Variants in CHSY1 observed in about 807,000 individuals in gnomAD.
CHSY1 encodes the protein N-acetylgalactosaminyl-proteoglycan 3-beta-glucuronosyltransferase 1.
Under a neutral mutation model 59.8 loss-of-function variants are expected in CHSY1, and 13 were observed. The ratio of observed to expected loss-of-function variants is 0.22; its 90% CI spans 0.14 to 0.35. CHSY1 has a LOEUF of 0.35. CHSY1 is among the 10% of genes least tolerant of loss of function. The pLI, the probability that CHSY1 is intolerant of heterozygous loss-of-function variation, is 1.00. For missense variants in CHSY1, 947 were observed against 1,030.6 expected (o/e 0.92, Z 1.11); for synonymous variants, 459 against 401.2 (o/e 1.14, Z -1.72).
chr15:101,241,338 C>A (rs1458228069), intron 1 of CHSY1, among the ~76,000 whole-genome samples: 2 of 152,244 alleles, frequency 1.3e-5, no homozygotes, highest in African/African-American at 4.8e-5. Flanking sequence ...ATCCGCCCAC[C>A]TCGGCCTCCC....
At chr15:101,216,577 G>A (rs2038735480) in intron 2 of CHSY1, among the ~76,000 whole-genome samples, 1 of 152,200 alleles carries the variant, frequency 6.6e-6, no homozygotes, top group Non-Finnish European at 1.5e-5. Flanking sequence ...CCACACAGAG[G>A]CATGGATGAA....
chr15:101,228,347 G>A (rs1048692739), intron 2 of CHSY1, among the ~76,000 whole-genome samples: 2 of 152,038 alleles, frequency 1.3e-5, no homozygotes, highest in African/African-American at 4.8e-5. Context: ...CTCCAAATTT[G>A]ATGAAAAACA....
rs564960351 is a variant in CHSY1 at position 101,223,085 on chromosome 15, C to A, written c.816+11997G>T. Reference sequence around the variant, plus strand: ...CTGGGCTCACTTCAACCTCTGCCCCCCAGGTTCAAGTGATTTTCCTGCCTC... The same window carrying A: ...CTGGGCTCACTTCAACCTCTGCCCCACAGGTTCAAGTGATTTTCCTGCCTC... On this transcript the variant is annotated intron_variant, in intron 2 of 2. Transcript: ENST00000254190. 9.2e-5 allele frequency among the ~76,000 whole-genome samples: 14 copies of A among 152,314 alleles called. No homozygotes were observed. The South Asian group carries it at 2.9e-3, about 32-fold the overall frequency.
intron 2 of CHSY1, among the ~76,000 whole-genome samples, chr15:101,218,155 C>G (rs565067347): frequency 6.6e-6 from 1 of 152,288 alleles, no homozygotes; most frequent in African/African-American, 2.4e-5. Context: ...CCGTCAAGAT[C>G]ATCAAAAACA....
intron 1 of CHSY1, among the ~76,000 whole-genome samples, chr15:101,237,179 G>A (rs866284132): frequency 2.2e-5 from 3 of 135,632 alleles, no homozygotes; most frequent in Non-Finnish European, 3.0e-5. Context: ...AGCCGAGATC[G>A]CACCACTGCA....
chr15:101,248,815 C>T (rs567445559), intron 1 of CHSY1, among the ~76,000 whole-genome samples: 2 of 152,274 alleles, frequency 1.3e-5, no homozygotes, highest in Admixed American at 6.5e-5. Flanking sequence ...GAGACGGAGT[C>T]TTGCTCTGCC....
chr15:101,229,691 G>A (rs1044026777), intron 2 of CHSY1, among the ~76,000 whole-genome samples: 6 of 152,126 alleles, frequency 3.9e-5, no homozygotes, highest in African/African-American at 1.4e-4. Context: ...CAGATCACTT[G>A]AGGCCAGGAG....
rs117481189 is a variant in CHSY1, at chr15:101,229,176, A to G, written c.816+5906T>C. ...TAACAGAAAAACAAAGATATGACAT[A>G]CAGAAAACAGCAAAATGGCAGAGAT... On this transcript the variant is annotated intron_variant, in intron 2 of 2. Transcript: ENST00000254190. Among the ~76,000 whole-genome samples the G allele has an allele frequency of 3.0e-3, 456 of 152,362 alleles. 3 individuals carry two copies. In the Middle Eastern group the frequency reaches 0.034, roughly 11 times the overall value.
At position 101,234,938 on chromosome 15, in the gene CHSY1, T is replaced by C. The variant is rs35408330; in HGVS notation, c.816+144A>G. 6,185 of 1,081,168 alleles carry C rather than the reference T, an allele frequency of 5.7e-3. 42 individuals carry two copies. The highest frequency in any genetic ancestry group is 7.3e-3 in the Non-Finnish European group (5,515 of 751,148). 67.0% of individuals were successfully genotyped at this position (1,081,168 alleles called of 1,614,324 possible). ...TAATAAAGGGGAACTGAATTTTTTT[T>C]TTAATCTAAGGCTAAAAATGTAGAA... On this transcript the variant is annotated intron_variant, in intron 2 of 2. Coordinates refer to ENST00000254190, the MANE Select transcript of CHSY1 (RefSeq NM_014918.5).
intron 2 of CHSY1, among the ~76,000 whole-genome samples, chr15:101,193,770 GAGGA>G (rs926553350): frequency 3.3e-5 from 5 of 152,198 alleles, no homozygotes; most frequent in African/African-American, 1.2e-4. Context: ...TCCTGGCACC[GAGGA>G]AGACACGCTG....
intron 2 of CHSY1, among the ~76,000 whole-genome samples, chr15:101,233,502 TG>T (rs984105938): frequency 1.3e-5 from 2 of 152,138 alleles, no homozygotes; most frequent in African/African-American, 4.8e-5. Flanking sequence ...TTTCTTAGGA[TG>T]GGGAAAAATG....
intron 2 of CHSY1, among the ~76,000 whole-genome samples, chr15:101,208,418 A>G (rs976773464): frequency 6.6e-6 from 1 of 152,192 alleles, no homozygotes; most frequent in Non-Finnish European, 1.5e-5. Context: ...GGGCATATCA[A>G]AAAGATACAG....
rs555116495 is a variant in CHSY1 at position 101,206,507 on chromosome 15, G to T, written c.817-27527C>A. On this transcript the variant is annotated intron_variant, in intron 2 of 2. Coordinates refer to ENST00000254190, the MANE Select transcript of CHSY1 (RefSeq NM_014918.5). Reference sequence around the variant, plus strand: ...GTGCTAAGTGACAGATCACCACCAAGATCCGTTTCCCATGAAAACACTTTG... The same window carrying T: ...GTGCTAAGTGACAGATCACCACCAATATCCGTTTCCCATGAAAACACTTTG... Among the ~76,000 whole-genome samples, 3 of 152,276 alleles carry T rather than the reference G, an allele frequency of 2.0e-5. No individual in the cohort carries two copies. The East Asian group carries it at 5.8e-4, about 29-fold the overall frequency.
chr15:101,197,194 C>T (rs908805183), intron 2 of CHSY1, among the ~76,000 whole-genome samples: 1 of 152,128 alleles, frequency 6.6e-6, no homozygotes, highest in African/African-American at 2.4e-5. Flanking sequence ...CAAGGCCAGC[C>T]CCAACGGGTG....
chr15:101,179,605 C>T (rs1399271342), intron 2 of CHSY1, among the ~76,000 whole-genome samples: 4 of 152,224 alleles, frequency 2.6e-5, no homozygotes, highest in Non-Finnish European at 5.9e-5. Flanking sequence ...ACGCTGCTGG[C>T]CTCCTGCGTA....
intron 2 of CHSY1, among the ~76,000 whole-genome samples, chr15:101,230,066 A>G (rs2038878011): frequency 6.6e-6 from 1 of 150,724 alleles, no homozygotes; most frequent in Admixed American, 6.6e-5. Flanking sequence ...CTCAGCCTCC[A>G]GAGTAACTAG....
chr15:101,247,934 A>G (rs1265563810), intron 1 of CHSY1, among the ~76,000 whole-genome samples: 4 of 152,176 alleles, frequency 2.6e-5, no homozygotes, highest in African/African-American at 7.2e-5. Flanking sequence ...GTTGCTAGCT[A>G]CTAGTCCCTT....
At chr15:101,247,457 T>C (rs947320257) in intron 1 of CHSY1, among the ~76,000 whole-genome samples, 10 of 152,180 alleles carry the variant, frequency 6.6e-5, no homozygotes, top group Admixed American at 5.9e-4. Context: ...ACCCTCTTTT[T>C]AGTGTCGTCC....
At chr15:101,203,652 C>A (rs967920419) in intron 2 of CHSY1, among the ~76,000 whole-genome samples, 3 of 152,174 alleles carry the variant, frequency 2.0e-5, no homozygotes, top group Admixed American at 6.5e-5. Context: ...AGAGGAGAAT[C>A]GTGGCAAGAG....
Sources: allele counts gnomAD v4.1 joint callset (sites outside exome capture counted in the v4.1 genomes callset), GRCh38; gene constraint gnomAD v4.1.1; transcripts MANE v1.5; gene names NCBI Gene and HGNC (gene_info 2026-07-23, HGNC 2026-07-21).